Variants in TRAPPC9 observed in about 807,000 individuals in gnomAD.
TRAPPC9 encodes the protein IKK2 binding protein.
In TRAPPC9, 83 loss-of-function variants were observed where a neutral mutation model predicts 124.0. That is an observed-to-expected ratio of 0.67 (90% CI 0.56 to 0.80). The LOEUF (loss-of-function observed/expected upper bound fraction) is 0.80, where lower values mean the gene tolerates loss of function less well. Ranked by LOEUF, TRAPPC9 falls within the 30% of genes least tolerant of loss-of-function variation. The pLI, the probability that TRAPPC9 is intolerant of heterozygous loss-of-function variation, is 0.00. For synonymous variants in TRAPPC9, 638 were observed against 617.5 expected, an observed-to-expected ratio of 1.03 and a Z score of -0.49; for missense variants, 1,302 against 1,508.3, an observed-to-expected ratio of 0.86 and a Z score of 2.27.
intron 15 of TRAPPC9, among the ~76,000 whole-genome samples, chr8:140,261,009 C>T (rs1379129531): frequency 6.6e-6 from 1 of 152,228 alleles, no homozygotes; most frequent in Admixed American, 6.5e-5. Flanking sequence ...GGTCCTAATA[C>T]TGCCATCTTA....
chr8:139,958,839 T>A (rs1316999703), intron 19 of TRAPPC9, among the ~76,000 whole-genome samples: 1 of 152,214 alleles, frequency 6.6e-6, no homozygotes, highest in Admixed American at 6.5e-5. Context: ...ATGTGACCAC[T>A]GCCCTCGGGA....
chr8:139,773,197 C>A (rs1277121431), intron 21 of TRAPPC9, among the ~76,000 whole-genome samples: 1 of 152,260 alleles, frequency 6.6e-6, no homozygotes, highest in Non-Finnish European at 1.5e-5. Context: ...AGTCACCCAG[C>A]AGGACGCCTG....
chr8:139,971,802 T>C lies in TRAPPC9; in HGVS notation c.2810+16924A>G, dbSNP rs1280722210. Among the ~76,000 whole-genome samples the C allele has an allele frequency of 8.6e-3, 113 of 13,192 alleles. 1 individual carries two copies. The highest frequency in any genetic ancestry group is 0.072 in the African/African-American group (99 of 1,366). 8.7% of individuals were successfully genotyped at this position (13,192 alleles called of 152,430 possible). On this transcript the variant is annotated intron_variant, in intron 19 of 22. Transcript: ENST00000438773. ...ACACACATATATACACATATATATATACATATATATATATACACACACACA... is the reference window on the plus strand; with the variant it reads ...ACACACATATATACACATATATATACACATATATATATATACACACACACA...
At chr8:139,777,471 G>T (rs940717836) in intron 21 of TRAPPC9, among the ~76,000 whole-genome samples, 10 of 152,230 alleles carry the variant, frequency 6.6e-5, no homozygotes, top group Non-Finnish European at 1.5e-4. Context: ...GTAGGGCATT[G>T]TAGAGGCGAG....
At chr8:140,262,074 T>A (rs1454846066) in intron 15 of TRAPPC9, among the ~76,000 whole-genome samples, 2 of 152,144 alleles carry the variant, frequency 1.3e-5, no homozygotes, top group African/African-American at 2.4e-5. Context: ...ATCACACCCA[T>A]TTTAGGGAAG....
rs2064163364 is a variant in TRAPPC9, at chr8:140,252,935, A to C, written c.2279-6T>G. The C allele has an allele frequency of 6.2e-7, 1 of 1,613,616 alleles. No individual in the cohort carries two copies. Among genetic ancestry groups the C allele is most frequent in the East Asian group, 2.2e-5 (1 of 44,886 alleles). On this transcript the variant is annotated splice_region_variant and splice_polypyrimidine_tract_variant and intron_variant, in intron 15 of 22. Transcript: ENST00000438773. This position sits in a 1 kb window ranked among gnomAD's most constrained non-coding sequence, Gnocchi z 4.2. ...GAAGTCGCCATACAATTTTTCTGTA[A>C]TAATAACAATGACAGTGATGAGGAT...
chr8:140,007,085 C>A (rs1838808401), intron 18 of TRAPPC9, among the ~76,000 whole-genome samples: 1 of 152,230 alleles, frequency 6.6e-6, no homozygotes, highest in Admixed American at 6.5e-5. Context: ...ATCCACCAAA[C>A]ACACTCAAGG....
chr8:140,421,196 T>C (rs1242004339), intron 5 of TRAPPC9, among the ~76,000 whole-genome samples: 1 of 152,182 alleles, frequency 6.6e-6, no homozygotes, highest in Non-Finnish European at 1.5e-5. Flanking sequence ...AGTTAGAATA[T>C]TGTTGAAAAG....
Position 140,210,612 on chromosome 8 carries a change from C to T in TRAPPC9, c.2556+10847G>A, listed in dbSNP as rs544102589. On this transcript the variant is annotated intron_variant, in intron 17 of 22. Transcript: ENST00000438773. ...TCCTGGATTCCCTGTACCCGCACCC[C>T]CTTTCCCACCCAGCAAACCGACGAT... Among the ~76,000 whole-genome samples the T allele has an allele frequency of 5.9e-5, 9 of 152,268 alleles. No homozygotes were observed. In the East Asian group the frequency reaches 1.7e-3, roughly 29 times the overall value.
At chr8:140,409,851 G>A (rs1470118961) in intron 5 of TRAPPC9, among the ~76,000 whole-genome samples, 1 of 152,150 alleles carries the variant, frequency 6.6e-6, no homozygotes, top group East Asian at 1.9e-4. Context: ...AAGAATAGGA[G>A]AGGCGCTGGG....
chr8:139,915,780 G>A (rs1047925209), intron 19 of TRAPPC9, among the ~76,000 whole-genome samples: 6 of 152,186 alleles, frequency 3.9e-5, no homozygotes, highest in Non-Finnish European at 7.3e-5. Flanking sequence ...GCAATCTTTG[G>A]TCCTGGGCTG....
intron 16 of TRAPPC9, among the ~76,000 whole-genome samples, chr8:140,226,911 C>G (rs1160597083): frequency 6.6e-6 from 1 of 151,642 alleles, no homozygotes; most frequent in African/African-American, 2.4e-5. Flanking sequence ...TGGACACAGA[C>G]CTCAAAATCT....
intron 2 of TRAPPC9, among the ~76,000 whole-genome samples, chr8:140,443,850 A>G (rs2071136212): frequency 1.3e-5 from 2 of 151,710 alleles, no homozygotes; most frequent in Admixed American, 1.3e-4. Flanking sequence ...CAGCCTGGCC[A>G]ACATGGTGAA....
At chr8:139,886,945 CGAGA>C (rs1294156946) in intron 20 of TRAPPC9, among the ~76,000 whole-genome samples, 1 of 152,152 alleles carries the variant, frequency 6.6e-6, no homozygotes, top group Non-Finnish European at 1.5e-5. Context: ...CTGAGCATTG[CGAGA>C]GAGAGGGAGC....
intron 21 of TRAPPC9, among the ~76,000 whole-genome samples, chr8:139,774,644 A>G (rs748054426): frequency 3.9e-5 from 6 of 152,210 alleles, no homozygotes; most frequent in Non-Finnish European, 8.8e-5. Flanking sequence ...GAAGCAGCAC[A>G]TGGCCAGGAG....
chr8:140,042,428 G>A (rs74808298), intron 17 of TRAPPC9, among the ~76,000 whole-genome samples: 2,631 of 152,314 alleles, frequency 0.017, 82 homozygotes, highest in African/African-American at 0.059. Context: ...CCACCTTGCG[G>A]AACACACGCA....
intron 4 of TRAPPC9, among the ~76,000 whole-genome samples, chr8:140,427,907 C>A (rs1416034038): frequency 6.6e-6 from 1 of 152,156 alleles, no homozygotes; most frequent in Non-Finnish European, 1.5e-5. Flanking sequence ...AAGCATGATG[C>A]TTAACAAATA....
rs1223453747 is a variant in TRAPPC9, at chr8:140,451,158, C to G, written c.216G>C (p.Gln72His). ...TGAGGCCCACGACTTTGCGGTGGGT[C>G]TGGAAGTCACCCCACTCGTTGTTCT... Reference protein sequence around the residue: ...PPENNEWGDFQTHRKVVGLIT... With the variant: ...PPENNEWGDFHTHRKVVGLIT... Residue 72 changes from glutamine (Q) to histidine (H), a missense_variant, in exon 2 of 23, where the codon CAG becomes CAC. Gln to His is a conservative substitution (Grantham distance 24). Coordinates refer to ENST00000438773, the MANE Select transcript of TRAPPC9 (RefSeq NM_001160372.4). 1 of 1,614,048 alleles carries G rather than the reference C, an allele frequency of 6.2e-7. No homozygotes were observed.
chr8:139,791,255 G>A (rs544990383), intron 21 of TRAPPC9, among the ~76,000 whole-genome samples: 249 of 152,092 alleles, frequency 1.6e-3, no homozygotes, highest in South Asian at 0.015. Context: ...ACTCTAACAC[G>A]CAGACTCACA....
Sources: gnomAD v4.1 joint callset for allele counts (sites outside exome capture counted in the v4.1 genomes callset) on GRCh38, gnomAD v4.1.1 for gene constraint, Gnocchi (gnomAD v3.1) non-coding constraint, MANE v1.5 for transcripts, NCBI Gene and HGNC (gene_info 2026-07-23, HGNC 2026-07-21) for gene names.